Variants in BDNF observed in about 807,000 individuals in gnomAD.
The protein encoded by BDNF is brain derived neurotrophic factor, also known as neurotrophic factor BDNF precursor form.
In BDNF, 1 loss-of-function variant was observed where a neutral mutation model predicts 19.5. The observed-to-expected ratio is 0.05, with a 90% CI of 0.02 to 0.24. The LOEUF is 0.24. BDNF is among the 10% of genes least tolerant of loss of function. The probability of loss-of-function intolerance (pLI) is 1.00; values close to 1 mark genes in which losing one functional copy is unlikely to be tolerated. For synonymous variants in BDNF, 100 were observed against 121.6 expected, an observed-to-expected ratio of 0.82 and a Z score of 1.17; for missense variants, 195 against 317.6, an observed-to-expected ratio of 0.61 and a Z score of 2.93.
chr11:27,700,455 C>T lies in BDNF; in HGVS notation c.-313G>A, dbSNP rs1261384801. The T allele has an allele frequency of 2.0e-6, 2 of 983,506 alleles. No homozygotes were observed. Among genetic ancestry groups the T allele is most frequent in the African/African-American group, 1.8e-5 (1 of 56,646 alleles). The allele number at this position is 983,506 out of a possible 1,614,324, so 60.9% of individuals were successfully genotyped here. A position where few individuals can be genotyped will look rare whatever the true frequency, so the allele number is the denominator to read the frequency against. ...GTCGGGGACCCGGAGCTCCAGGCTG[C>T]GCCTTGCGCCCGGGTCAGACATTAT... On this transcript the variant is annotated 5_prime_UTR_variant, in exon 1 of 2. Coordinates refer to ENST00000356660, the MANE Select transcript of BDNF (RefSeq NM_001709.5).
chr11:27,694,535 T>C lies in BDNF; in HGVS notation c.-22+5629A>G, dbSNP rs371211789. Among the ~76,000 whole-genome samples, 13 of 152,006 alleles carry C rather than the reference T, an allele frequency of 8.6e-5. 1 individual carries two copies. Among genetic ancestry groups the C allele is most frequent in the African/African-American group, 3.1e-4 (13 of 41,476 alleles). ...AAAATGAACTAAATATAGATTTTTG[T>C]CATCCAAGAATTTTAAGTCAATTTG... On this transcript the variant is annotated intron_variant, in intron 1 of 1. Coordinates refer to ENST00000356660, the MANE Select transcript of BDNF (RefSeq NM_001709.5).
At chr11:27,660,108 A>T (rs1390383617) in intron 1 of BDNF, 4 of 844,122 alleles carry the variant, frequency 4.7e-6, no homozygotes, top group Non-Finnish European at 6.1e-6. Context: ...TAGGAAAAGG[A>T]ACTGTGTTTC....
chr11:27,677,812 A>T (rs1468975901), intron 1 of BDNF: 2 of 152,220 alleles, frequency 1.3e-5, no homozygotes, highest in Non-Finnish European at 2.9e-5. Context: ...AAAACATTTA[A>T]TCTAGTGGCT....
intron 1 of BDNF, chr11:27,698,226 CAAAAAAAAAAAAAAAAA>C (rs10626744): frequency 1.2e-5 from 1 of 80,784 alleles, no homozygotes; most frequent in African/African-American, 4.0e-5. Context: ...GTAAATTTCC[CAAAAAAAAAAAAAAAAA>C]AAAAAAAAAA....
In BDNF at chr11:27,657,695, A is replaced by G; in HGVS notation, c.*126T>C. The G allele has an allele frequency of 6.7e-7, 1 of 1,498,996 alleles. No homozygotes were observed. Among genetic ancestry groups the G allele is most frequent in the Non-Finnish European group, 8.8e-7 (1 of 1,133,552 alleles). 92.9% of individuals were successfully genotyped at this position (1,498,996 alleles called of 1,614,324 possible). On this transcript the variant is annotated 3_prime_UTR_variant, in exon 2 of 2. Coordinates refer to ENST00000356660, the MANE Select transcript of BDNF (RefSeq NM_001709.5). This position sits in a 1 kb window ranked among gnomAD's most constrained non-coding sequence, Gnocchi z 5.0. ...GATTGTAGAACCACTGTACTGTATA[A>G]ACTTCATTTATACATGCAGTTCATA...
intron 1 of BDNF, among the ~76,000 whole-genome samples, chr11:27,714,585 A>T (rs1019067657): frequency 1.3e-5 from 2 of 152,144 alleles, no homozygotes; most frequent in Non-Finnish European, 2.9e-5. Context: ...CAACACCTAG[A>T]TTCCTTCTAT....
intron 1 of BDNF, among the ~76,000 whole-genome samples, chr11:27,684,141 C>A (rs954527461): frequency 6.6e-6 from 1 of 152,008 alleles, no homozygotes; most frequent in Non-Finnish European, 1.5e-5. Context: ...AGTTGTATTC[C>A]TAGGCATTTT....
chr11:27,669,722 G>A (rs1025524714), intron 1 of BDNF, among the ~76,000 whole-genome samples: 2 of 152,100 alleles, frequency 1.3e-5, no homozygotes, highest in Non-Finnish European at 2.9e-5. Context: ...ACCTCTTCAA[G>A]GAGAACTACA....
chr11:27,700,960 C>T (rs1324832544), upstream of BDNF: 2 of 1,358,666 alleles, frequency 1.5e-6, no homozygotes, highest in Non-Finnish European at 2.0e-6. Flanking sequence ...TTTCCCGGGC[C>T]ACAGACACAC....
In BDNF at chr11:27,656,919, TCTTC is replaced by T. The variant is rs878864621; in HGVS notation, c.*898_*901del. The T allele has an allele frequency of 1.0e-6, 1 of 985,378 alleles. No homozygotes were observed. The highest frequency in any genetic ancestry group is 1.7e-5 in the African/African-American group (1 of 57,320). 61.0% of individuals were successfully genotyped at this position (985,378 alleles called of 1,614,324 possible). ...TATTTCAGAACGCGCAACTGATTTT[TCTTC>T]CTTAAAACAAAACAAAGAGGAGACC... On this transcript the variant is annotated 3_prime_UTR_variant, in exon 2 of 2. Coordinates refer to ENST00000356660, the MANE Select transcript of BDNF (RefSeq NM_001709.5).
chr11:27,666,919 T>C (rs1854448304), intron 1 of BDNF, among the ~76,000 whole-genome samples: 2 of 151,984 alleles, frequency 1.3e-5, no homozygotes, highest in South Asian at 4.2e-4. Context: ...ATACAGAGAA[T>C]GCCGCAAAGA....
intron 1 of BDNF, among the ~76,000 whole-genome samples, chr11:27,672,669 A>G (rs953403181): frequency 2.6e-5 from 4 of 152,094 alleles, no homozygotes; most frequent in Admixed American, 2.0e-4. Context: ...CCCCTCTCCA[A>G]CCAAAATCTC....
At chr11:27,704,866 T>C (rs1051891256), upstream of BDNF, among the ~76,000 whole-genome samples, 3 of 152,206 alleles carry the variant, frequency 2.0e-5, no homozygotes, top group African/African-American at 7.2e-5. Context: ...CTCAATACCA[T>C]ACCAAAATGT....
At chr11:27,720,494 A>AG in intron 1 of BDNF, 1 of 985,890 alleles carries the variant, frequency 1.0e-6, no homozygotes, top group Non-Finnish European at 1.2e-6. Flanking sequence ...GAGCTCAATG[A>AG]GGGGACCAAA....
At chr11:27,721,008 CT>C (rs1431652363) in intron 1 of BDNF, among the ~76,000 whole-genome samples, 10 of 150,656 alleles carry the variant, frequency 6.6e-5, no homozygotes, top group South Asian at 2.1e-4. Context: ...ACTCCACCCC[CT>C]AACCCCAACC....
At chr11:27,692,193 T>C (rs1858386175) in intron 1 of BDNF, among the ~76,000 whole-genome samples, 1 of 152,194 alleles carries the variant, frequency 6.6e-6, no homozygotes, top group Non-Finnish European at 1.5e-5. Context: ...ATTAGGATTG[T>C]TTATGGACTA....
chr11:27,711,528 T>C (rs537784996), intron 1 of BDNF, among the ~76,000 whole-genome samples: 49 of 152,254 alleles, frequency 3.2e-4, no homozygotes, highest in African/African-American at 1.1e-3. Flanking sequence ...ATGTAAACCA[T>C]CTGATAATGG....
At chr11:27,673,973 A>G (rs1855739968) in intron 1 of BDNF, 3 of 1,424,894 alleles carry the variant, frequency 2.1e-6, no homozygotes, top group East Asian at 5.0e-5. Flanking sequence ...AGACCAAAGA[A>G]TAACACTCCT....
At chr11:27,691,713 G>A (rs1858322195) in intron 1 of BDNF, among the ~76,000 whole-genome samples, 1 of 152,098 alleles carries the variant, frequency 6.6e-6, no homozygotes, top group African/African-American at 2.4e-5. Flanking sequence ...ATCTCCAGCT[G>A]TTCTACAGAA....
Sources: gnomAD v4.1 joint callset for allele counts (sites outside exome capture counted in the v4.1 genomes callset) on GRCh38, gnomAD v4.1.1 for gene constraint, Gnocchi (gnomAD v3.1) non-coding constraint, MANE v1.5 for transcripts, NCBI Gene and HGNC (gene_info 2026-07-23, HGNC 2026-07-21) for gene names.